OSBPL6: variants seen among roughly 807,000 people sequenced by gnomAD.
The protein encoded by OSBPL6 is oxysterol-binding protein-related protein 6.
OSBPL6 carries 49 observed loss-of-function variants against 125.8 expected under a neutral mutation model. That is an observed-to-expected ratio of 0.39 (90% CI 0.31 to 0.49). OSBPL6 has a LOEUF of 0.49. Ranked by LOEUF, OSBPL6 falls within the 20% of genes least tolerant of loss-of-function variation. The probability of loss-of-function intolerance (pLI) is 0.88; values close to 1 mark genes in which losing one functional copy is unlikely to be tolerated. For missense variants in OSBPL6, 986 were observed against 1,135.4 expected, an observed-to-expected ratio of 0.87 and a Z score of 1.89; for synonymous variants, 394 against 391.8, an observed-to-expected ratio of 1.01 and a Z score of -0.07.
intron 1 of OSBPL6, among the ~76,000 whole-genome samples, chr2:178,251,829 T>C (rs2091706360): frequency 6.6e-6 from 1 of 152,252 alleles, no homozygotes; most frequent in Non-Finnish European, 1.5e-5. Context: ...CTACAAATGA[T>C]GGTGGCAGCA....
Position 178,402,790 on chromosome 2 carries a change from G to A in OSBPL6, c.*7231G>A, listed in dbSNP as rs747957122. ...ATTCACTGAAAAATTTGTCTAATCT[G>A]TGCCACCTCAAAATAAGAATTGTGC... On this transcript the variant is annotated 3_prime_UTR_variant, in exon 25 of 25. Coordinates refer to ENST00000190611, the MANE Select transcript of OSBPL6 (RefSeq NM_032523.4). The A allele has an allele frequency of 3.9e-5, 6 of 152,140 alleles. No individual in the cohort carries two copies. Among genetic ancestry groups the A allele is most frequent in the African/African-American group, 1.4e-4 (6 of 41,420 alleles). 9.4% of individuals were successfully genotyped at this position (152,140 alleles called of 1,614,324 possible). A position where few individuals can be genotyped will look rare whatever the true frequency, so the allele number is the denominator to read the frequency against.
chr2:178,288,794 G>C (rs543012715), intron 2 of OSBPL6, among the ~76,000 whole-genome samples: 2 of 151,672 alleles, frequency 1.3e-5, no homozygotes, highest in Non-Finnish European at 2.9e-5. Flanking sequence ...GATTACAGGC[G>C]CCCGCCACCA....
intron 3 of OSBPL6, among the ~76,000 whole-genome samples, chr2:178,306,702 G>C (rs1442263432): frequency 6.6e-6 from 1 of 152,144 alleles, no homozygotes; most frequent in Non-Finnish European, 1.5e-5. Flanking sequence ...TGTGGAATCT[G>C]GTAACAGCTA....
intron 1 of OSBPL6, among the ~76,000 whole-genome samples, chr2:178,261,577 A>C (rs2092065626): frequency 6.6e-6 from 1 of 152,140 alleles, no homozygotes; most frequent in African/African-American, 2.4e-5. Context: ...TTTTCTGTCT[A>C]CTCCTTTTCC....
intron 13 of OSBPL6, among the ~76,000 whole-genome samples, chr2:178,363,019 C>T (rs959263782): frequency 2.0e-5 from 3 of 152,254 alleles, no homozygotes; most frequent in East Asian, 1.9e-4. Flanking sequence ...CTGAAAGTAT[C>T]GTGAATCAGA....
chr2:178,313,721 T>C (rs893009652), intron 3 of OSBPL6, among the ~76,000 whole-genome samples: 1 of 152,242 alleles, frequency 6.6e-6, no homozygotes, highest in African/African-American at 2.4e-5. Flanking sequence ...TACATGAGTA[T>C]CTAAAATGTT....
At chr2:178,337,709 A>G (rs1689815163) in intron 9 of OSBPL6, among the ~76,000 whole-genome samples, 1 of 152,304 alleles carries the variant, frequency 6.6e-6, no homozygotes, top group African/African-American at 2.4e-5. Flanking sequence ...ATGTCTCCTT[A>G]CGCTTAGTTT....
intron 1 of OSBPL6, among the ~76,000 whole-genome samples, chr2:178,211,292 G>A (rs368312219): frequency 1.2e-4 from 18 of 152,006 alleles, no homozygotes; most frequent in African/African-American, 3.9e-4. Context: ...ACAAATAAAC[G>A]AAAACCCAAA....
chr2:178,367,463 A>G (rs1007199317), intron 13 of OSBPL6, among the ~76,000 whole-genome samples: 2 of 152,164 alleles, frequency 1.3e-5, no homozygotes, highest in African/African-American at 4.8e-5. Context: ...CATATGTTTC[A>G]TATCCTTCTC....
intron 12 of OSBPL6, among the ~76,000 whole-genome samples, chr2:178,360,683 T>C (rs1692273342): frequency 1.3e-5 from 2 of 152,180 alleles, no homozygotes. Flanking sequence ...ATGAACTTTT[T>C]TGGAAGCGTT....
intron 13 of OSBPL6, among the ~76,000 whole-genome samples, chr2:178,363,738 A>T (rs570068134): frequency 6.6e-6 from 1 of 152,216 alleles, no homozygotes; most frequent in Non-Finnish European, 1.5e-5. Flanking sequence ...TCTTGTCAAC[A>T]CATATTTATT....
At chr2:178,298,199 G>A (rs1685932764) in intron 2 of OSBPL6, among the ~76,000 whole-genome samples, 1 of 152,160 alleles carries the variant, frequency 6.6e-6, no homozygotes, top group Admixed American at 6.5e-5. Context: ...GTCATTACAT[G>A]TGTCAGAATT....
chr2:178,205,749 T>C (rs376116240), intron 1 of OSBPL6, among the ~76,000 whole-genome samples: 7 of 152,344 alleles, frequency 4.6e-5, no homozygotes, highest in African/African-American at 2.4e-5. Context: ...TAGTCACTTA[T>C]TGAAACACGA....
At chr2:178,246,176 T>C (rs1413500229) in intron 1 of OSBPL6, among the ~76,000 whole-genome samples, 1 of 152,202 alleles carries the variant, frequency 6.6e-6, no homozygotes, top group African/African-American at 2.4e-5. Flanking sequence ...CTTCTTTCTC[T>C]TTTTTCACTG....
Position 178,396,436 on chromosome 2 carries a change from A to G in OSBPL6, c.*877A>G, listed in dbSNP as rs1348833071. The stretch of plus-strand genomic sequence containing the variant: ...CCTCACAGTGTGCCCTATTATTTGG[A>G]AAAATCTGTCTTTGATTTGGACATT... On this transcript the variant is annotated 3_prime_UTR_variant, in exon 25 of 25. Transcript: ENST00000190611. 1 of 152,246 alleles carries G rather than the reference A, an allele frequency of 6.6e-6. No homozygotes were observed. The highest frequency in any genetic ancestry group is 1.5e-5 in the Non-Finnish European group (1 of 68,064). The allele number at this position is 152,246 out of a possible 1,614,324, so 9.4% of individuals were successfully genotyped here.
chr2:178,262,300 G>A (rs912492188), intron 1 of OSBPL6, among the ~76,000 whole-genome samples: 3 of 152,140 alleles, frequency 2.0e-5, no homozygotes, highest in African/African-American at 7.2e-5. Context: ...ATCTTCAATA[G>A]TGAAGTAAAT....
intron 15 of OSBPL6, among the ~76,000 whole-genome samples, chr2:178,381,032 T>G (rs1418346049): frequency 6.6e-6 from 1 of 152,234 alleles, no homozygotes; most frequent in African/African-American, 2.4e-5. Context: ...ATCTGTTTAC[T>G]CTTACTTGTT....
In OSBPL6 at chr2:178,306,278, A is replaced by T. The variant is rs750595585; in HGVS notation, c.94A>T (p.Ser32Cys). 6.2e-7 allele frequency: 1 copy of T among 1,606,614 alleles called. No homozygotes were observed. The highest frequency in any genetic ancestry group is 1.7e-5 in the Admixed American group (1 of 60,014). The part of the protein sequence containing the change: ...ASSSTSSQRD[S>C]RQSIHILERT... ...CTCTTCAACATCCTCCCAAAGGGACAGTAGGCAGGTAAGAGAAGAGCATTA... is the reference window on the plus strand; with the variant it reads ...CTCTTCAACATCCTCCCAAAGGGACTGTAGGCAGGTAAGAGAAGAGCATTA... The change falls in exon 3 of 25, where the codon AGT becomes TGT. Residue 32 changes from serine to cysteine, a missense_variant. Transcript: ENST00000190611.
At chr2:178,279,712 G>A (rs1211591710) in intron 1 of OSBPL6, among the ~76,000 whole-genome samples, 1 of 152,190 alleles carries the variant, frequency 6.6e-6, no homozygotes, top group Non-Finnish European at 1.5e-5. Flanking sequence ...CTTTTTGAAA[G>A]AACCAATCTT....
Sources: allele counts gnomAD v4.1 joint callset (sites outside exome capture counted in the v4.1 genomes callset), GRCh38; gene constraint gnomAD v4.1.1; transcripts MANE v1.5; gene names NCBI Gene and HGNC (gene_info 2026-07-23, HGNC 2026-07-21).